Variants in ZNF423 observed in about 807,000 individuals in gnomAD.
The protein encoded by ZNF423 is zinc finger protein 423, also known as Ebf-associated zinc finger protein.
Under a neutral mutation model 95.8 loss-of-function variants are expected in ZNF423, and 12 were observed. The ratio of observed to expected loss-of-function variants is 0.13; its 90% CI spans 0.08 to 0.20. The LOEUF is 0.20. ZNF423 is among the 10% of genes least tolerant of loss of function. ZNF423 has a pLI of 1.00. For missense variants in ZNF423, 1,316 were observed against 1,737.1 expected, an observed-to-expected ratio of 0.76 and a Z score of 4.31; for synonymous variants, 749 against 711.9, an observed-to-expected ratio of 1.05 and a Z score of -0.83.
At chr16:49,622,679 C>G (rs1051306270) in intron 5 of ZNF423, among the ~76,000 whole-genome samples, 3 of 152,208 alleles carry the variant, frequency 2.0e-5, no homozygotes, top group African/African-American at 7.2e-5. Context: ...CTGGCAGGGG[C>G]TCCAAACACA....
chr16:49,591,116 G>C (rs190611657), intron 5 of ZNF423, among the ~76,000 whole-genome samples: 2 of 152,306 alleles, frequency 1.3e-5, no homozygotes, highest in Admixed American at 1.3e-4. Context: ...TAACTCCACT[G>C]GAAACCAAAC....
intron 1 of ZNF423, among the ~76,000 whole-genome samples, chr16:49,851,888 A>G (rs1365102683): frequency 6.6e-6 from 1 of 152,220 alleles, no homozygotes; most frequent in African/African-American, 2.4e-5. Context: ...AACTTAATTG[A>G]GGAGGGGGGA....
At chr16:49,760,796 C>A (rs552044807) in intron 2 of ZNF423, among the ~76,000 whole-genome samples, 1 of 151,884 alleles carries the variant, frequency 6.6e-6, no homozygotes, top group South Asian at 2.1e-4. Flanking sequence ...CACCCCTAGG[C>A]GGTGGTTGGG....
At chr16:49,558,236 C>T (rs2151764215) in intron 5 of ZNF423, among the ~76,000 whole-genome samples, 2 of 152,306 alleles carry the variant, frequency 1.3e-5, no homozygotes, top group Admixed American at 1.3e-4. Context: ...AGGTGCACTG[C>T]ATTTGATTGT....
chr16:49,624,029 T>C (rs1160876274), intron 5 of ZNF423, among the ~76,000 whole-genome samples: 1 of 152,214 alleles, frequency 6.6e-6, no homozygotes, highest in Non-Finnish European at 1.5e-5. Context: ...GTTAAGTCCA[T>C]ACAACCACTT....
chr16:49,725,668 G>A (rs1368056910), intron 3 of ZNF423, among the ~76,000 whole-genome samples: 1 of 152,210 alleles, frequency 6.6e-6, no homozygotes. Context: ...CCAGCAGGGA[G>A]GGCTGCAGGG....
intron 3 of ZNF423, among the ~76,000 whole-genome samples, chr16:49,658,912 C>T (rs1406085202): frequency 6.6e-6 from 1 of 152,262 alleles, no homozygotes; most frequent in Non-Finnish European, 1.5e-5. Flanking sequence ...CCACCTCCTC[C>T]CACTGGAACC....
chr16:49,854,280 C>T, intron 1 of ZNF423: 3 of 985,390 alleles, frequency 3.0e-6, no homozygotes, highest in Non-Finnish European at 3.6e-6. Flanking sequence ...TCCGTTTGGA[C>T]TCAGTTGGTC....
intron 3 of ZNF423, among the ~76,000 whole-genome samples, chr16:49,649,670 G>C (rs79673541): frequency 1.4e-5 from 1 of 70,096 alleles, no homozygotes; most frequent in Non-Finnish European, 2.9e-5. Context: ...CACACACACA[G>C]GGAGAGAGAG....
intron 3 of ZNF423, among the ~76,000 whole-genome samples, chr16:49,670,644 G>T (rs914478103): frequency 6.6e-6 from 1 of 152,116 alleles, no homozygotes; most frequent in African/African-American, 2.4e-5. Context: ...GGACGCCTCT[G>T]TTGGGGACTC....
chr16:49,689,344 G>A (rs1331261618), intron 3 of ZNF423, among the ~76,000 whole-genome samples: 1 of 151,804 alleles, frequency 6.6e-6, no homozygotes, highest in Non-Finnish European at 1.5e-5. Context: ...TGTGGTCCCA[G>A]CTGCCCAGGA....
At chr16:49,837,551 C>A (rs565931805) in intron 1 of ZNF423, among the ~76,000 whole-genome samples, 1 of 152,316 alleles carries the variant, frequency 6.6e-6, no homozygotes, top group African/African-American at 2.4e-5. Flanking sequence ...AGGCCACCTG[C>A]AATGCCACCC....
intron 7 of ZNF423, among the ~76,000 whole-genome samples, chr16:49,509,207 G>A (rs887920384): frequency 6.6e-6 from 1 of 152,148 alleles, no homozygotes; most frequent in Admixed American, 6.5e-5. Context: ...CCTGTCCTAG[G>A]ATGACTACCT....
Position 49,491,086 on chromosome 16 carries a change from G to A in ZNF423, c.*189C>T, listed in dbSNP as rs1381294807. On this transcript the variant is annotated 3_prime_UTR_variant, in exon 8 of 8. Coordinates refer to ENST00000563137, the MANE Select transcript of ZNF423 (RefSeq NM_001379286.1). ...AGGACAATAAAAAATACTGAGCATGGAATACTTTTAATCTCTGCCATTAAT... is the reference window on the plus strand; with the variant it reads ...AGGACAATAAAAAATACTGAGCATGAAATACTTTTAATCTCTGCCATTAAT... 15 of 660,616 alleles carry A rather than the reference G, an allele frequency of 2.3e-5. No homozygotes were observed. Among genetic ancestry groups the A allele is most frequent in the Non-Finnish European group, 3.7e-5 (14 of 374,414 alleles). 40.9% of individuals were successfully genotyped at this position (660,616 alleles called of 1,614,324 possible). A position where few individuals can be genotyped will look rare whatever the true frequency, so the allele number is the denominator to read the frequency against.
At chr16:49,778,576 G>A (rs1386984185) in intron 2 of ZNF423, among the ~76,000 whole-genome samples, 2 of 136,910 alleles carry the variant, frequency 1.5e-5, no homozygotes, top group East Asian at 4.8e-4. Flanking sequence ...AACAAGCCAT[G>A]CCTCACCAAC....
chr16:49,630,587 C>T (rs181333518), intron 4 of ZNF423, among the ~76,000 whole-genome samples: 512 of 152,208 alleles, frequency 3.4e-3, no homozygotes, highest in Middle Eastern at 0.02. Context: ...ACCACGTCCC[C>T]CCTCCAAGGA....
At chr16:49,709,138 G>A (rs2032457041) in intron 3 of ZNF423, among the ~76,000 whole-genome samples, 1 of 138,996 alleles carries the variant, frequency 7.2e-6, no homozygotes, top group Non-Finnish European at 1.5e-5. Flanking sequence ...AAAGACAAAC[G>A]CATAAAAAAC....
upstream of ZNF423, among the ~76,000 whole-genome samples, chr16:49,857,263 G>A (rs1346043956): frequency 6.7e-6 from 1 of 149,586 alleles, no homozygotes; most frequent in African/African-American, 2.4e-5. This position sits in a 1 kb window ranked among gnomAD's most constrained non-coding sequence, Gnocchi z 6.2. Context: ...GATGGACAGC[G>A]CTGGAAATAC....
intron 1 of ZNF423, among the ~76,000 whole-genome samples, chr16:49,842,589 GA>G (rs1300479268): frequency 8.8e-4 from 134 of 151,958 alleles, no homozygotes; most frequent in Non-Finnish European, 1.4e-3. Flanking sequence ...TCTTGGGGGG[GA>G]AAAAATAAAA....
Sources: gnomAD v4.1 joint callset for allele counts (sites outside exome capture counted in the v4.1 genomes callset) on GRCh38, gnomAD v4.1.1 for gene constraint, Gnocchi (gnomAD v3.1) non-coding constraint, MANE v1.5 for transcripts, NCBI Gene and HGNC (gene_info 2026-07-23, HGNC 2026-07-21) for gene names.